Variants in SNTG1 observed in about 807,000 individuals in gnomAD.
SNTG1 encodes syntrophin gamma 1.
SNTG1 carries 39 observed loss-of-function variants against 74.7 expected under a neutral mutation model. That is an observed-to-expected ratio of 0.52 (90% CI 0.40 to 0.68). SNTG1 has a LOEUF of 0.68. SNTG1 is among the 30% of genes least tolerant of loss of function. The pLI, the probability that SNTG1 is intolerant of heterozygous loss-of-function variation, is 0.00. For missense variants in SNTG1, 685 were observed against 609.5 expected (o/e 1.12, Z -1.30); for synonymous variants, 254 against 217.1 (o/e 1.17, Z -1.49).
In SNTG1 at chr8:50,018,750, T is replaced by A. The variant is rs531044367; in HGVS notation, c.-103+106519T>A. Among the ~76,000 whole-genome samples, 5 of 152,154 alleles carry A rather than the reference T, an allele frequency of 3.3e-5. No homozygotes were observed. The South Asian group carries it at 1.0e-3, about 32-fold the overall frequency. Reference sequence around the variant, plus strand: ...AATACATCATATATATGGATCTAGATAAATTAGATAAATGCAAATTAAAGC... The same window carrying A: ...AATACATCATATATATGGATCTAGAAAAATTAGATAAATGCAAATTAAAGC... On this transcript the variant is annotated intron_variant, in intron 1 of 18. Coordinates refer to ENST00000642720, the MANE Select transcript of SNTG1 (RefSeq NM_018967.5).
chr8:50,321,980 A>C (rs2090550006), intron 2 of SNTG1, among the ~76,000 whole-genome samples: 1 of 152,168 alleles, frequency 6.6e-6, no homozygotes, highest in Admixed American at 6.5e-5. Context: ...CATCAAAATT[A>C]CAGTGTTATA....
chr8:50,449,560 T>G, intron 5 of SNTG1, 108 bp from the exon 6 acceptor site: 1 of 695,772 alleles, frequency 1.4e-6, no homozygotes. Flanking sequence ...TTATTTAAAT[T>G]CTGCCTAATA....
At chr8:50,409,917 C>G (rs1406538113) in intron 4 of SNTG1, among the ~76,000 whole-genome samples, 1 of 152,264 alleles carries the variant, frequency 6.6e-6, no homozygotes. Context: ...CATGACAGAA[C>G]TGTCAGATAA....
At chr8:50,321,583 G>GTTC (rs2090532263) in intron 2 of SNTG1, among the ~76,000 whole-genome samples, 1 of 151,786 alleles carries the variant, frequency 6.6e-6, no homozygotes, top group Non-Finnish European at 1.5e-5. Flanking sequence ...TTGTTTTCTT[G>GTTC]TTTTGTGGTC....
chr8:50,095,418 C>G (rs562397130), intron 1 of SNTG1, among the ~76,000 whole-genome samples: 1 of 152,132 alleles, frequency 6.6e-6, no homozygotes, highest in African/African-American at 2.4e-5. Context: ...ACAGTCTCAG[C>G]GTTGCTCAAA....
intron 15 of SNTG1, among the ~76,000 whole-genome samples, chr8:50,700,297 G>A (rs1389297461): frequency 1.3e-5 from 2 of 152,038 alleles, no homozygotes; most frequent in African/African-American, 4.8e-5. Flanking sequence ...AACCGTAAAG[G>A]AACACAATCT....
intron 3 of SNTG1, among the ~76,000 whole-genome samples, chr8:50,400,984 T>C (rs2092797059): frequency 6.6e-6 from 1 of 152,152 alleles, no homozygotes; most frequent in Non-Finnish European, 1.5e-5. Context: ...TATTAGTGTT[T>C]AAAGTGATGT....
At chr8:50,779,924 T>C (rs1390605552) in intron 18 of SNTG1, among the ~76,000 whole-genome samples, 4 of 151,976 alleles carry the variant, frequency 2.6e-5, no homozygotes, top group Non-Finnish European at 5.9e-5. Flanking sequence ...GGTTGTTGAA[T>C]TTTGTCAAAG....
chr8:50,032,595 A>G (rs1817825837), intron 1 of SNTG1, among the ~76,000 whole-genome samples: 1 of 152,090 alleles, frequency 6.6e-6, no homozygotes, highest in Non-Finnish European at 1.5e-5. Context: ...CTTCTCCAGT[A>G]ACCAATGTTC....
chr8:49,921,049 G>A (rs914077668), intron 1 of SNTG1, among the ~76,000 whole-genome samples: 1 of 151,974 alleles, frequency 6.6e-6, no homozygotes, highest in Non-Finnish European at 1.5e-5. Context: ...CCAAATGCAG[G>A]TGAAGAACCC....
chr8:50,448,372 G>A (rs2093425038), intron 5 of SNTG1, among the ~76,000 whole-genome samples: 1 of 151,706 alleles, frequency 6.6e-6, no homozygotes, highest in Non-Finnish European at 1.5e-5. Flanking sequence ...TTATATTTAA[G>A]TATACTGGCA....
chr8:50,601,152 C>CAAAAAAAAAAAAAAAAAAAAAAA lies in SNTG1; in HGVS notation c.849+10245_849+10267dup, dbSNP rs71235311. 2.2e-4 allele frequency among the ~76,000 whole-genome samples: 7 copies of CAAAAAAAAAAAAAAAAAAAAAAA among 31,438 alleles called. 1 individual carries two copies. The highest frequency in any genetic ancestry group is 1.4e-3 in the African/African-American group (7 of 5,080). The allele number at this position is 31,438 out of a possible 152,430, so 20.6% of individuals were successfully genotyped here. A position where few individuals can be genotyped will look rare whatever the true frequency, so the allele number is the denominator to read the frequency against. On this transcript the variant is annotated intron_variant, in intron 13 of 18. Coordinates refer to ENST00000642720, the MANE Select transcript of SNTG1 (RefSeq NM_018967.5). ...CAGCCTGGTGACAGAGCCAGCGAGA[C>CAAAAAAAAAAAAAAAAAAAAAAA]AAAAAAAAAAAAAAAAAAAAAAAAA...
intron 1 of SNTG1, among the ~76,000 whole-genome samples, chr8:50,012,326 A>G (rs1228477124): frequency 1.3e-5 from 2 of 152,048 alleles, no homozygotes; most frequent in African/African-American, 4.8e-5. Context: ...GGGCTGTTGT[A>G]TGTTCTGGAT....
chr8:50,082,601 T>C (rs1212113185), intron 1 of SNTG1, among the ~76,000 whole-genome samples: 1 of 152,308 alleles, frequency 6.6e-6, no homozygotes, highest in African/African-American at 2.4e-5. Flanking sequence ...CTCAAAGACT[T>C]TGAGCCAGTA....
At chr8:50,075,806 C>G (rs55889053) in intron 1 of SNTG1, among the ~76,000 whole-genome samples, 7,145 of 152,168 alleles carry the variant, frequency 0.047, 394 homozygotes, top group South Asian at 0.13. Context: ...GCCTTAAGAG[C>G]TATAACACTC....
At chr8:50,482,063 A>G (rs2093745412) in intron 8 of SNTG1, among the ~76,000 whole-genome samples, 1 of 152,208 alleles carries the variant, frequency 6.6e-6, no homozygotes, top group Non-Finnish European at 1.5e-5. Flanking sequence ...TTCCCAGTCC[A>G]GTGATCTGAC....
chr8:50,415,748 G>A (rs1166081962), intron 4 of SNTG1, among the ~76,000 whole-genome samples: 1 of 151,968 alleles, frequency 6.6e-6, no homozygotes, highest in Non-Finnish European at 1.5e-5. Flanking sequence ...ATGTGGAAAC[G>A]GTAAGATAGC....
chr8:50,727,419 G>T (rs2095502781), intron 17 of SNTG1, among the ~76,000 whole-genome samples: 1 of 152,120 alleles, frequency 6.6e-6, no homozygotes, highest in African/African-American at 2.4e-5. Context: ...ATTTCTAGAT[G>T]CTGGGAGTCC....
chr8:50,266,055 CTT>C (rs34945869), intron 2 of SNTG1, among the ~76,000 whole-genome samples: 1 of 145,544 alleles, frequency 6.9e-6, no homozygotes. Flanking sequence ...AAAATCCTAG[CTT>C]TTTTTTTTTG....
Sources: gnomAD v4.1 joint callset for allele counts (sites outside exome capture counted in the v4.1 genomes callset) on GRCh38, gnomAD v4.1.1 for gene constraint, MANE v1.5 for transcripts, NCBI Gene and HGNC (gene_info 2026-07-23, HGNC 2026-07-21) for gene names.